Variants in GRM4 observed in about 807,000 individuals in gnomAD.
GRM4 encodes metabotropic glutamate receptor 4.
GRM4 carries 28 observed loss-of-function variants against 81.7 expected under a neutral mutation model. That is an observed-to-expected ratio of 0.34 (90% confidence interval 0.25 to 0.47). The LOEUF (loss-of-function observed/expected upper bound fraction) is 0.47. Among genes scored for constraint, GRM4 ranks in the 20% least tolerant of loss-of-function variants. The pLI is 1.00. For synonymous variants in GRM4, 488 were observed against 528.8 expected (o/e 0.92, Z 1.06); for missense variants, 948 against 1,290.0 (o/e 0.73, Z 4.06).
chr6:34,138,061 A>C (rs147838176), intron 1 of GRM4, among the ~76,000 whole-genome samples: 2 of 152,318 alleles, frequency 1.3e-5, no homozygotes, highest in East Asian at 3.9e-4. Context: ...TTTTTCATTG[A>C]GTTTCTTTTT....
At chr6:34,125,734 C>A (rs565219354) in intron 2 of GRM4, among the ~76,000 whole-genome samples, 1 of 152,372 alleles carries the variant, frequency 6.6e-6, no homozygotes, top group African/African-American at 2.4e-5. Flanking sequence ...ACGTCCCTTC[C>A]CCTCTCTATT....
upstream of GRM4, among the ~76,000 whole-genome samples, chr6:34,147,589 A>T (rs1291347224): frequency 2.0e-5 from 3 of 152,358 alleles, no homozygotes; most frequent in Non-Finnish European, 4.4e-5. Context: ...AACTGCAGGT[A>T]TGGGGTGTGC....
At chr6:34,033,485 G>A (rs1315769700) in intron 9 of GRM4, among the ~76,000 whole-genome samples, 1 of 152,098 alleles carries the variant, frequency 6.6e-6, no homozygotes, top group Non-Finnish European at 1.5e-5. Flanking sequence ...CCCCCTCTCT[G>A]TGCCCCTGAG....
chr6:34,131,766 C>A (rs560132273), intron 2 of GRM4, among the ~76,000 whole-genome samples: 2 of 152,294 alleles, frequency 1.3e-5, no homozygotes, highest in East Asian at 3.9e-4. Context: ...GCTCAGCTCT[C>A]CCCACCGTGC....
Position 34,042,525 on chromosome 6 carries a change from T to C in GRM4, c.1169-1777A>G, listed in dbSNP as rs1027877229. Among the ~76,000 whole-genome samples, 2 of 152,116 alleles carry C rather than the reference T, an allele frequency of 1.3e-5. No individual in the cohort carries two copies. Among genetic ancestry groups the C allele is most frequent in the Non-Finnish European group, 2.9e-5 (2 of 67,984 alleles). ...CCCTCCTAAGACCACAGCCCTTGCA[T>C]ACAGCATGGCCTTCTTCCTCAAGGA... On this transcript the variant is annotated intron_variant, in intron 6 of 10. Transcript: ENST00000538487. This position sits in a 1 kb window ranked among gnomAD's most constrained non-coding sequence, Gnocchi z 4.2.
At chr6:34,055,888 G>A (rs1359717839) in intron 6 of GRM4, 1 of 152,274 alleles carries the variant, frequency 6.6e-6, no homozygotes, top group Non-Finnish European at 1.5e-5. Context: ...TCTCATGTGA[G>A]GGCTCAGATG....
intron 3 of GRM4, among the ~76,000 whole-genome samples, chr6:34,071,036 C>T (rs544447596): frequency 3.2e-4 from 48 of 152,018 alleles, no homozygotes; most frequent in African/African-American, 1.1e-3. Context: ...CAGGCTCACC[C>T]AGTCATCACA....
At chr6:34,053,945 G>A (rs550544612) in intron 6 of GRM4, among the ~76,000 whole-genome samples, 80 of 152,294 alleles carry the variant, frequency 5.3e-4, no homozygotes, top group African/African-American at 1.8e-3. Context: ...TGGGGGTGGC[G>A]CCCTGGTATG....
rs1334358006 is a variant in GRM4, at chr6:34,121,021, ATTAAG to A, written c.519+11952_519+11956del. 6.6e-6 allele frequency among the ~76,000 whole-genome samples: 1 copy of A among 152,226 alleles called. No individual in the cohort carries two copies. Among genetic ancestry groups the A allele is most frequent in the Non-Finnish European group, 1.5e-5 (1 of 68,040 alleles). ...ATTTTCCATATGTTTTAAATCATTT[ATTAAG>A]ATACGTGCACACCTTGGTGAAAGAG... On this transcript the variant is annotated intron_variant, in intron 2 of 10. Transcript: ENST00000538487. This position sits in a 1 kb window ranked among gnomAD's most constrained non-coding sequence, Gnocchi z 4.6.
intron 3 of GRM4, among the ~76,000 whole-genome samples, chr6:34,081,983 G>A (rs910475029): frequency 1.6e-4 from 25 of 152,318 alleles, no homozygotes; most frequent in African/African-American, 6.0e-4. Context: ...TTCACCACTT[G>A]CCCTTTAGCC....
rs7767920 is a variant in GRM4 at position 34,080,871 on chromosome 6, T to C, written c.736+11012A>G. On this transcript the variant is annotated intron_variant, in intron 3 of 10. Transcript: ENST00000538487. The surrounding 1 kb of genome is among the most constrained non-coding windows in gnomAD (Gnocchi z 5.4). The stretch of plus-strand genomic sequence containing the variant: ...ATACACACACACATACACATACATA[T>C]ACACACACACACACACACAACCCTT... Among the ~76,000 whole-genome samples, 77 of 123,226 alleles carry C rather than the reference T, an allele frequency of 6.2e-4. No homozygotes were observed. The highest frequency in any genetic ancestry group is 2.1e-3 in the African/African-American group (58 of 27,008). 80.8% of individuals were successfully genotyped at this position (123,226 alleles called of 152,430 possible).
chr6:34,044,618 A>C (rs1271070008), intron 6 of GRM4, among the ~76,000 whole-genome samples: 7 of 134,550 alleles, frequency 5.2e-5, no homozygotes, highest in Non-Finnish European at 1.5e-5. Flanking sequence ...ACATACATAC[A>C]CATATATACA....
chr6:34,112,070 G>A lies in GRM4; in HGVS notation c.520-19971C>T, dbSNP rs529575639. Among the ~76,000 whole-genome samples, 4 of 152,270 alleles carry A rather than the reference G, an allele frequency of 2.6e-5. No individual in the cohort carries two copies. In the South Asian group the frequency reaches 6.2e-4, roughly 24 times the overall value. On this transcript the variant is annotated intron_variant, in intron 2 of 10. Transcript: ENST00000538487. ...CCTGGAAAGCCCTGCTTCAGCCCAG[G>A]GAGGAGAAAGCAGTGCCTGTAATTT...
Position 34,069,111 on chromosome 6 carries a change from G to A in GRM4, c.737-7083C>T, listed in dbSNP as rs2451365. ...AGCAGGTCCCCCCGGCTCCCATAGGGGAGGACAGAGGGGAGGACAGGGGCT... is the reference window on the plus strand; with the variant it reads ...AGCAGGTCCCCCCGGCTCCCATAGGAGAGGACAGAGGGGAGGACAGGGGCT... On this transcript the variant is annotated intron_variant, in intron 3 of 10. Coordinates refer to ENST00000538487, the MANE Select transcript of GRM4 (RefSeq NM_000841.4). This position sits in a 1 kb window ranked among gnomAD's most constrained non-coding sequence, Gnocchi z 6.4. 0.01 allele frequency among the ~76,000 whole-genome samples: 1,579 copies of A among 151,878 alleles called. 34 individuals are homozygous for A. The highest frequency in any genetic ancestry group is 0.036 in the African/African-American group (1,481 of 41,364).
At chr6:34,028,849 G>A (rs769832224) in intron 9 of GRM4, among the ~76,000 whole-genome samples, 13 of 152,094 alleles carry the variant, frequency 8.5e-5, no homozygotes, top group Admixed American at 1.3e-4. Context: ...CAGTGGCCAC[G>A]TCACAGCCCC....
At position 34,022,722 on chromosome 6, in the gene GRM4, G is replaced by C; in HGVS notation, c.*99C>G. 1 of 1,087,840 alleles carries C rather than the reference G, an allele frequency of 9.2e-7. No homozygotes were observed. The highest frequency in any genetic ancestry group is 2.4e-5 in the East Asian group (1 of 41,908). The allele number at this position is 1,087,840 out of a possible 1,614,324, so 67.4% of individuals were successfully genotyped here. A position where few individuals can be genotyped will look rare whatever the true frequency, so the allele number is the denominator to read the frequency against. On this transcript the variant is annotated 3_prime_UTR_variant, in exon 11 of 11. Coordinates refer to ENST00000538487, the MANE Select transcript of GRM4 (RefSeq NM_000841.4). This position sits in a 1 kb window ranked among gnomAD's most constrained non-coding sequence, Gnocchi z 5.6. ...CCAAGCCACGTCCGTGGGTGCCCAC[G>C]GGCAGGCAAGACAGCTGGGCCCTTG...
intron 2 of GRM4, among the ~76,000 whole-genome samples, chr6:34,127,884 T>A (rs1289020388): frequency 3.3e-5 from 5 of 152,172 alleles, no homozygotes; most frequent in African/African-American, 1.2e-4. Context: ...CAAAGCCACG[T>A]CCTCGACAGA....
chr6:34,104,873 C>T (rs1378292623), intron 2 of GRM4, among the ~76,000 whole-genome samples: 3 of 152,138 alleles, frequency 2.0e-5, no homozygotes, highest in Admixed American at 6.5e-5. Context: ...TCCAAAAGCC[C>T]GTTCTGCAAA....
At chr6:34,123,838 G>A (rs58502241) in intron 2 of GRM4, among the ~76,000 whole-genome samples, 3,127 of 152,262 alleles carry the variant, frequency 0.021, 82 homozygotes, top group African/African-American at 0.063. Context: ...ACTGCCCCTC[G>A]GGGATCCCCA....
Sources: allele counts gnomAD v4.1 joint callset (sites outside exome capture counted in the v4.1 genomes callset), GRCh38; gene constraint gnomAD v4.1.1; non-coding constraint Gnocchi (gnomAD v3.1); transcripts MANE v1.5; gene names NCBI Gene and HGNC (gene_info 2026-07-23, HGNC 2026-07-21).